Variants in PDE4D observed in about 807,000 individuals in gnomAD.
The protein encoded by PDE4D is phosphodiesterase 4D.
Under a neutral mutation model 87.4 loss-of-function variants are expected in PDE4D, and 24 were observed. That is an observed-to-expected ratio of 0.27 (90% CI 0.20 to 0.39). The LOEUF is 0.39. Among genes scored for constraint, PDE4D ranks in the 10% least tolerant of loss-of-function variants. The pLI is 1.00. For synonymous variants in PDE4D, 384 were observed against 383.2 expected (o/e 1.00, Z -0.02); for missense variants, 714 against 1,041.0 (o/e 0.69, Z 4.32).
At chr5:59,711,010 C>T (rs924915007) in intron 1 of PDE4D, among the ~76,000 whole-genome samples, 5 of 152,136 alleles carry the variant, frequency 3.3e-5, no homozygotes, top group Admixed American at 6.6e-5. Context: ...GCACTCCAAA[C>T]CACAGCATAT....
At chr5:59,325,152 A>G (rs1775416972) in intron 1 of PDE4D, among the ~76,000 whole-genome samples, 1 of 152,154 alleles carries the variant, frequency 6.6e-6, no homozygotes, top group Admixed American at 6.6e-5. Context: ...GACCTAATTC[A>G]GTTTCTGCTG....
intron 1 of PDE4D, among the ~76,000 whole-genome samples, chr5:59,643,287 T>C (rs554784959): frequency 1.3e-5 from 2 of 152,182 alleles, no homozygotes; most frequent in African/African-American, 2.4e-5. Flanking sequence ...GAGGTCAAGG[T>C]AACTAGAATT....
At chr5:59,695,160 A>G (rs1016361897) in intron 1 of PDE4D, among the ~76,000 whole-genome samples, 2 of 151,680 alleles carry the variant, frequency 1.3e-5, no homozygotes, top group Non-Finnish European at 2.9e-5. Context: ...TTATCATAGA[A>G]CCCAAACATC....
chr5:59,710,870 G>A (rs908579834), intron 1 of PDE4D, among the ~76,000 whole-genome samples: 2 of 152,050 alleles, frequency 1.3e-5, no homozygotes, highest in African/African-American at 2.4e-5. Flanking sequence ...CCAGGCATAC[G>A]GTAGGAATTT....
chr5:60,301,502 T>C (rs1241547959), intron 1 of PDE4D, among the ~76,000 whole-genome samples: 1 of 152,196 alleles, frequency 6.6e-6, no homozygotes, highest in African/African-American at 2.4e-5. Context: ...ATGATTTGGC[T>C]CTCTGCTTGC....
intron 1 of PDE4D, among the ~76,000 whole-genome samples, chr5:60,284,399 A>T (rs1434181868): frequency 2.0e-5 from 3 of 152,184 alleles, no homozygotes; most frequent in African/African-American, 7.2e-5. Context: ...AGGAAGTTGC[A>T]CTTTTTAGGA....
At chr5:59,176,180 GT>G (rs1783856643) in intron 5 of PDE4D, among the ~76,000 whole-genome samples, 1 of 152,100 alleles carries the variant, frequency 6.6e-6, no homozygotes, top group African/African-American at 2.4e-5. Flanking sequence ...AGACCTGTAT[GT>G]TTACCTACTA....
Position 59,396,993 on chromosome 5 carries a change from T to A in PDE4D, c.456-181025A>T, listed in dbSNP as rs988816998. On this transcript the variant is annotated intron_variant, in intron 1 of 14. Transcript: ENST00000340635. ...GATCAAAAGAGACAAAGAAGGCCAT[T>A]ACATAATGGTAAAGGGATCAATTCA... is the stretch of plus-strand genomic sequence containing the variant. Among the ~76,000 whole-genome samples, 3 of 122,846 alleles carry A rather than the reference T, an allele frequency of 2.4e-5. 1 individual carries two copies. Among genetic ancestry groups the A allele is most frequent in the African/African-American group, 6.5e-5 (2 of 30,648 alleles). The allele number at this position is 122,846 out of a possible 152,430, so 80.6% of individuals were successfully genotyped here.
intron 1 of PDE4D, among the ~76,000 whole-genome samples, chr5:59,347,853 T>G (rs548530236): frequency 6.6e-6 from 1 of 152,264 alleles, no homozygotes; most frequent in East Asian, 1.9e-4. Flanking sequence ...CTTGTGCAGT[T>G]CTGAGTTTCA....
intron 1 of PDE4D, among the ~76,000 whole-genome samples, chr5:60,238,073 A>G (rs1309788424): frequency 6.6e-6 from 1 of 151,994 alleles, no homozygotes; most frequent in Non-Finnish European, 1.5e-5. Flanking sequence ...TGTATTCTTT[A>G]AAAACATAAA....
At chr5:60,114,282 G>A (rs1777940842) in intron 2 of PDE4D, among the ~76,000 whole-genome samples, 1 of 152,010 alleles carries the variant, frequency 6.6e-6, no homozygotes, top group Non-Finnish European at 1.5e-5. Context: ...TGAAGTGGTA[G>A]GGCAATCATG....
At chr5:59,940,922 A>G (rs1383287301) in intron 3 of PDE4D, among the ~76,000 whole-genome samples, 2 of 152,046 alleles carry the variant, frequency 1.3e-5, no homozygotes, top group African/African-American at 4.8e-5. Flanking sequence ...GGTCCCTCTC[A>G]CCCATAGTTT....
At chr5:60,027,186 T>C (rs774073563) in intron 2 of PDE4D, among the ~76,000 whole-genome samples, 2 of 152,208 alleles carry the variant, frequency 1.3e-5, no homozygotes, top group Non-Finnish European at 1.5e-5. Context: ...ATAGTGAACA[T>C]TGTACCCAAT....
intron 1 of PDE4D, among the ~76,000 whole-genome samples, chr5:59,635,427 C>T (rs1489442037): frequency 6.6e-6 from 1 of 152,056 alleles, no homozygotes; most frequent in African/African-American, 2.4e-5. Flanking sequence ...CTGGCAGAGA[C>T]ACAACAAAAA....
At chr5:60,139,932 T>G (rs534279762) in intron 2 of PDE4D, among the ~76,000 whole-genome samples, 2 of 152,208 alleles carry the variant, frequency 1.3e-5, no homozygotes, top group Admixed American at 1.3e-4. Flanking sequence ...ATGCTAAGTA[T>G]CTATTAGTAG....
intron 2 of PDE4D, among the ~76,000 whole-genome samples, chr5:60,144,701 C>A (rs757617820): frequency 5.3e-5 from 8 of 152,320 alleles, no homozygotes; most frequent in Non-Finnish European, 1.2e-4. Context: ...TAATCTTTCT[C>A]TCCTCTCTCA....
chr5:59,342,591 G>A (rs952274683), intron 1 of PDE4D, among the ~76,000 whole-genome samples: 1 of 152,144 alleles, frequency 6.6e-6, no homozygotes, highest in Non-Finnish European at 1.5e-5. Context: ...ATGGGACAGA[G>A]TTTAAATTGT....
At chr5:59,316,339 C>T (rs1773728657) in intron 1 of PDE4D, among the ~76,000 whole-genome samples, 1 of 152,014 alleles carries the variant, frequency 6.6e-6, no homozygotes, top group Non-Finnish European at 1.5e-5. Context: ...AAGAAACTAC[C>T]TGGGTTCCTT....
chr5:59,834,126 G>A (rs1741653466), intron 1 of PDE4D, among the ~76,000 whole-genome samples: 1 of 151,970 alleles, frequency 6.6e-6, no homozygotes, highest in Non-Finnish European at 1.5e-5. Flanking sequence ...GTCTCCCTCT[G>A]CCACTTCTCT....
Sources: allele counts gnomAD v4.1 joint callset (sites outside exome capture counted in the v4.1 genomes callset), GRCh38; gene constraint gnomAD v4.1.1; transcripts MANE v1.5; gene names NCBI Gene and HGNC (gene_info 2026-07-23, HGNC 2026-07-21).